Variants in SYT9 observed in about 807,000 individuals in gnomAD.
SYT9 encodes the protein synaptotagmin 9.
SYT9 carries 22 observed loss-of-function variants against 48.4 expected under a neutral mutation model. That is an observed-to-expected ratio of 0.45 (90% confidence interval 0.32 to 0.65). The LOEUF is 0.65. Ranked by LOEUF, SYT9 falls within the 30% of genes least tolerant of loss-of-function variation. The pLI, the probability that SYT9 is intolerant of heterozygous loss-of-function variation, is 0.03. For synonymous variants in SYT9, 265 were observed against 245.0 expected, an observed-to-expected ratio of 1.08 and a Z score of -0.76; for missense variants, 577 against 622.0, an observed-to-expected ratio of 0.93 and a Z score of 0.77.
chr11:7,406,100 T>C (rs1272110967), intron 3 of SYT9, among the ~76,000 whole-genome samples: 1 of 152,166 alleles, frequency 6.6e-6, no homozygotes, highest in Non-Finnish European at 1.5e-5. Context: ...ATGCATAGAA[T>C]GTGTCTTCGT....
intron 1 of SYT9, among the ~76,000 whole-genome samples, chr11:7,294,963 C>T (rs191113573): frequency 1.1e-4 from 16 of 152,314 alleles, no homozygotes; most frequent in African/African-American, 3.8e-4. Context: ...TTCCTTCGTT[C>T]CTTCTCTTTT....
At chr11:7,265,688 C>T (rs1848167255) in intron 1 of SYT9, among the ~76,000 whole-genome samples, 1 of 140,638 alleles carries the variant, frequency 7.1e-6, no homozygotes, top group Non-Finnish European at 1.5e-5. Flanking sequence ...TTTTTTGTAG[C>T]CACAGTGAAT....
chr11:7,365,107 C>T (rs1290338635), intron 3 of SYT9, among the ~76,000 whole-genome samples: 2 of 151,936 alleles, frequency 1.3e-5, no homozygotes, highest in Non-Finnish European at 2.9e-5. Flanking sequence ...CAGTGAAACG[C>T]TCCATTGACT....
chr11:7,300,118 C>CTT (rs1420508203), intron 1 of SYT9, among the ~76,000 whole-genome samples: 10 of 145,634 alleles, frequency 6.9e-5, no homozygotes, highest in African/African-American at 2.0e-4. Flanking sequence ...CACAAATTAC[C>CTT]TTTTTTTTTT....
intron 3 of SYT9, among the ~76,000 whole-genome samples, chr11:7,355,639 C>CT (rs1850007287): frequency 3.3e-5 from 5 of 152,166 alleles, no homozygotes; most frequent in Admixed American, 3.3e-4. Context: ...AGCTACTGTC[C>CT]TTGAGACATC....
At chr11:7,371,783 G>T (rs998581127) in intron 3 of SYT9, among the ~76,000 whole-genome samples, 5 of 152,094 alleles carry the variant, frequency 3.3e-5, no homozygotes, top group African/African-American at 1.2e-4. Flanking sequence ...CTTTTGTTCA[G>T]CGTAATGCCT....
At position 7,252,099 on chromosome 11, in the gene SYT9, G is replaced by C; in HGVS notation, c.-88G>C. 2 of 1,292,558 alleles carry C rather than the reference G, an allele frequency of 1.5e-6. No individual in the cohort carries two copies. The highest frequency in any genetic ancestry group is 2.1e-5 in the South Asian group (1 of 47,436). The allele number at this position is 1,292,558 out of a possible 1,614,324, so 80.1% of individuals were successfully genotyped here. ...CAGGTCCCTGGCGGTGAGCGCGGAC[G>C]GCCCGGAGGCGGCGGCTCTGAGCTG... is the stretch of plus-strand genomic sequence containing the variant. On this transcript the variant is annotated 5_prime_UTR_variant, in exon 1 of 7. Coordinates refer to ENST00000318881, the MANE Select transcript of SYT9 (RefSeq NM_175733.4). The surrounding 1 kb of genome is among the most constrained non-coding windows in gnomAD (Gnocchi z 6.3).
rs71470476 is a variant in SYT9 at position 7,396,623 on chromosome 11, TG to T, written c.1045-19416del. On this transcript the variant is annotated intron_variant, in intron 3 of 6. Transcript: ENST00000318881. ...GGTAAATAACTAAGTGTGGGATTAC[TG>T]GGTCATTTGACAAGAGAATGTGTAA... 8.5e-3 allele frequency among the ~76,000 whole-genome samples: 1,300 copies of T among 152,272 alleles called. 11 individuals are homozygous for T. Among genetic ancestry groups the T allele is most frequent in the Non-Finnish European group, 0.014 (927 of 68,000 alleles).
intron 3 of SYT9, among the ~76,000 whole-genome samples, chr11:7,331,742 A>G (rs1047960659): frequency 9.2e-5 from 14 of 152,090 alleles, no homozygotes; most frequent in Non-Finnish European, 1.6e-4. Flanking sequence ...AGCTATTTAC[A>G]TTAGGAGTCC....
intron 3 of SYT9, among the ~76,000 whole-genome samples, chr11:7,325,825 G>T (rs199501047): frequency 0.16 from 4,638 of 29,034 alleles, 12 homozygotes; most frequent in East Asian, 0.18. Context: ...AGCATGAAGG[G>T]TTGTTGAATT....
At chr11:7,330,352 G>T (rs928925204) in intron 3 of SYT9, among the ~76,000 whole-genome samples, 5 of 152,266 alleles carry the variant, frequency 3.3e-5, no homozygotes, top group African/African-American at 1.2e-4. Flanking sequence ...AAATTATAGG[G>T]ATGGAGAACA....
intron 1 of SYT9, among the ~76,000 whole-genome samples, chr11:7,276,083 G>A (rs921078271): frequency 1.3e-5 from 2 of 152,130 alleles, no homozygotes; most frequent in Non-Finnish European, 2.9e-5. Context: ...CCCACCCCCA[G>A]ACTGATTTCT....
chr11:7,458,103 A>G (rs1848178506), intron 6 of SYT9: 1 of 152,224 alleles, frequency 6.6e-6, no homozygotes, highest in South Asian at 2.1e-4. Flanking sequence ...TTAGGGACAA[A>G]ATAGTCAAAA....
chr11:7,306,571 C>T (rs1849034618), intron 2 of SYT9, among the ~76,000 whole-genome samples: 2 of 152,228 alleles, frequency 1.3e-5, no homozygotes, highest in Admixed American at 6.5e-5. Flanking sequence ...TTAGTTCCTT[C>T]AGCATCCCAA....
rs569291813 is a variant in SYT9 at position 7,252,072 on chromosome 11, G to T, written c.-115G>T. 9 of 1,209,578 alleles carry T rather than the reference G, an allele frequency of 7.4e-6. No individual in the cohort carries two copies. The Admixed American group carries it at 2.5e-4, about 34-fold the overall frequency. 74.9% of individuals were successfully genotyped at this position (1,209,578 alleles called of 1,614,324 possible). On this transcript the variant is annotated 5_prime_UTR_variant, in exon 1 of 7. Coordinates refer to ENST00000318881, the MANE Select transcript of SYT9 (RefSeq NM_175733.4). This position sits in a 1 kb window ranked among gnomAD's most constrained non-coding sequence, Gnocchi z 6.3. ...CGGGCTCAGGCTCGCACCGTTTCTC[G>T]GCAGGTCCCTGGCGGTGAGCGCGGA... is the stretch of plus-strand genomic sequence containing the variant.
intron 3 of SYT9, among the ~76,000 whole-genome samples, chr11:7,394,474 C>T (rs1368420986): frequency 2.0e-5 from 3 of 152,146 alleles, no homozygotes; most frequent in Admixed American, 6.5e-5. Flanking sequence ...TGGGTATATA[C>T]CCAGTAATGG....
chr11:7,292,014 C>G (rs1274209563), intron 1 of SYT9, among the ~76,000 whole-genome samples: 1 of 152,020 alleles, frequency 6.6e-6, no homozygotes, highest in East Asian at 1.9e-4. Context: ...TCCAATCAAT[C>G]AAAAAACTCA....
At chr11:7,251,099 G>GACACACACAC (rs369736479), upstream of SYT9, among the ~76,000 whole-genome samples, 7,459 of 131,892 alleles carry the variant, frequency 0.057, 192 homozygotes, top group East Asian at 0.087. Flanking sequence ...GTGGCACAGT[G>GACACACACAC]ACACACACAC....
intron 3 of SYT9, among the ~76,000 whole-genome samples, chr11:7,339,419 G>C (rs983995750): frequency 2.6e-5 from 4 of 152,134 alleles, no homozygotes; most frequent in Non-Finnish European, 5.9e-5. Flanking sequence ...TGTTACGCCA[G>C]CTTGTTTGTG....
Sources: gnomAD v4.1 joint callset for allele counts (sites outside exome capture counted in the v4.1 genomes callset) on GRCh38, gnomAD v4.1.1 for gene constraint, Gnocchi (gnomAD v3.1) non-coding constraint, MANE v1.5 for transcripts, NCBI Gene and HGNC (gene_info 2026-07-23, HGNC 2026-07-21) for gene names.